Variants in ENOX1 observed in about 807,000 individuals in gnomAD.
The protein encoded by ENOX1 is ecto-NOX disulfide-thiol exchanger 1.
A neutral mutation model predicts 82.5 loss-of-function variants in ENOX1; 42 were observed. The ratio of observed to expected loss-of-function variants is 0.51; its 90% CI spans 0.40 to 0.66. ENOX1 has a LOEUF of 0.66. ENOX1 is among the 30% of genes least tolerant of loss of function. The pLI, the probability that ENOX1 is intolerant of heterozygous loss-of-function variation, is 0.00. For missense variants in ENOX1, 608 were observed against 811.6 expected (o/e 0.75, Z 3.05); for synonymous variants, 271 against 282.2 (o/e 0.96, Z 0.40).
chr13:43,241,536 T>G (rs1319730300), intron 14 of ENOX1, among the ~76,000 whole-genome samples: 1 of 152,072 alleles, frequency 6.6e-6, no homozygotes, highest in Admixed American at 6.5e-5. Flanking sequence ...TATGAAGTAG[T>G]CTCCCAAAGG....
chr13:43,334,322 T>C (rs1195013840), intron 9 of ENOX1, among the ~76,000 whole-genome samples: 1 of 152,212 alleles, frequency 6.6e-6, no homozygotes, highest in Non-Finnish European at 1.5e-5. Flanking sequence ...CAATGGAAAT[T>C]ACATCTGTCC....
intron 11 of ENOX1, among the ~76,000 whole-genome samples, chr13:43,301,574 T>A (rs866530632): frequency 6.9e-6 from 1 of 145,428 alleles, no homozygotes; most frequent in African/African-American, 2.6e-5. Context: ...CAGCTGTAAT[T>A]CCCCCACCAA....
rs535718308 is a variant in ENOX1 at position 43,673,201 on chromosome 13, G to A, written c.-284-5657C>T. On this transcript the variant is annotated intron_variant, in intron 1 of 16. Transcript: ENST00000690772. ...TATATATATATATATATACATGTTC[G>A]ATTCTCATATGATTTCCAAATTAGA... is the stretch of plus-strand genomic sequence containing the variant. Among the ~76,000 whole-genome samples the A allele has an allele frequency of 1.6e-4, 24 of 148,792 alleles. 1 individual carries two copies. In the South Asian group the frequency reaches 4.5e-3, roughly 28 times the overall value.
At chr13:43,428,221 T>C (rs1234697072) in intron 3 of ENOX1, among the ~76,000 whole-genome samples, 1 of 152,192 alleles carries the variant, frequency 6.6e-6, no homozygotes, top group Non-Finnish European at 1.5e-5. Context: ...GAGGCACATT[T>C]TTCTTAAATA....
In ENOX1 at chr13:43,660,912, C is replaced by T. The variant is rs944128602; in HGVS notation, c.-219+6567G>A. Among the ~76,000 whole-genome samples the T allele has an allele frequency of 2.6e-5, 4 of 152,298 alleles. No individual in the cohort carries two copies. The East Asian group carries it at 7.7e-4, about 29-fold the overall frequency. On this transcript the variant is annotated intron_variant, in intron 2 of 16. Coordinates refer to ENST00000690772, the MANE Select transcript of ENOX1 (RefSeq NM_001347969.2). The stretch of plus-strand genomic sequence containing the variant: ...TGGCATAAGGGAAAAAAAAGCTCTT[C>T]TGCTTACAACACAGCTGTTTTAAGG...
intron 2 of ENOX1, among the ~76,000 whole-genome samples, chr13:43,577,392 A>G (rs1159957750): frequency 6.6e-6 from 1 of 152,140 alleles, no homozygotes; most frequent in East Asian, 1.9e-4. Context: ...TTAGCCTCCC[A>G]AAGTGCTAGG....
intron 2 of ENOX1, among the ~76,000 whole-genome samples, chr13:43,558,930 T>C (rs2079553850): frequency 6.6e-6 from 1 of 152,196 alleles, no homozygotes; most frequent in African/African-American, 2.4e-5. Context: ...CTTCATCCTG[T>C]TAATGAGGAC....
Position 43,409,965 on chromosome 13 carries a change from T to C in ENOX1, c.208+1951A>G, listed in dbSNP as rs539112993. 2.0e-5 allele frequency among the ~76,000 whole-genome samples: 3 copies of C among 152,258 alleles called. No homozygotes were observed. The South Asian group carries it at 6.2e-4, about 32-fold the overall frequency. On this transcript the variant is annotated intron_variant, in intron 5 of 16. Transcript: ENST00000690772. ...GATGAAGGGAAGCCCAGAAAGACCC[T>C]GAAAGGCTCAAAAACAGTTTAAGCA...
At chr13:43,664,499 G>A (rs2084882692) in intron 2 of ENOX1, among the ~76,000 whole-genome samples, 1 of 152,224 alleles carries the variant, frequency 6.6e-6, no homozygotes, top group South Asian at 2.1e-4. Flanking sequence ...TTTTGGGACA[G>A]CTGAATTACT....
intron 9 of ENOX1, among the ~76,000 whole-genome samples, chr13:43,332,343 G>A (rs956376596): frequency 5.3e-5 from 8 of 152,218 alleles, no homozygotes; most frequent in Middle Eastern, 3.4e-3. Flanking sequence ...TAGGGTTCAC[G>A]CTCCTGTAAG....
At chr13:43,401,716 G>A (rs544753549) in intron 5 of ENOX1, among the ~76,000 whole-genome samples, 2 of 152,136 alleles carry the variant, frequency 1.3e-5, no homozygotes, top group African/African-American at 2.4e-5. Context: ...TCAAGTTCTC[G>A]AGATCCAGAG....
At chr13:43,294,366 G>A (rs2046175841) in intron 12 of ENOX1, among the ~76,000 whole-genome samples, 1 of 152,116 alleles carries the variant, frequency 6.6e-6, no homozygotes, top group African/African-American at 2.4e-5. Flanking sequence ...ATGACATGTT[G>A]ACCTATCCTC....
intron 2 of ENOX1, among the ~76,000 whole-genome samples, chr13:43,582,764 C>T (rs559943716): frequency 3.9e-5 from 6 of 152,134 alleles, no homozygotes; most frequent in South Asian, 4.2e-4. Flanking sequence ...TTGGAAGAGA[C>T]GGGGTCTTGC....
chr13:43,272,609 G>A (rs990375949), intron 12 of ENOX1, among the ~76,000 whole-genome samples: 4 of 152,066 alleles, frequency 2.6e-5, no homozygotes, highest in Non-Finnish European at 4.4e-5. Context: ...CTAGCTATAG[G>A]GGTTTATTTA....
At chr13:43,654,028 A>G (rs1311372704) in intron 2 of ENOX1, among the ~76,000 whole-genome samples, 2 of 152,178 alleles carry the variant, frequency 1.3e-5, no homozygotes, top group Non-Finnish European at 2.9e-5. Flanking sequence ...AAATCATCTG[A>G]GTCAACCTGG....
At chr13:43,347,826 C>G (rs2049489887) in intron 8 of ENOX1, among the ~76,000 whole-genome samples, 1 of 152,148 alleles carries the variant, frequency 6.6e-6, no homozygotes, top group Non-Finnish European at 1.5e-5. Flanking sequence ...GAACTGGATG[C>G]AGTTTAGAAG....
chr13:43,583,088 A>G (rs185238972), intron 2 of ENOX1, among the ~76,000 whole-genome samples: 2 of 152,234 alleles, frequency 1.3e-5, no homozygotes, highest in Non-Finnish European at 2.9e-5. Flanking sequence ...AAAAATTCCA[A>G]TGCCATTTAA....
chr13:43,527,024 C>T (rs2078017353), intron 2 of ENOX1, among the ~76,000 whole-genome samples: 1 of 152,090 alleles, frequency 6.6e-6, no homozygotes, highest in Non-Finnish European at 1.5e-5. Context: ...GCCCTACAGA[C>T]ATCAAACTTG....
chr13:43,284,358 A>G (rs1224586877), intron 12 of ENOX1, among the ~76,000 whole-genome samples: 1 of 151,650 alleles, frequency 6.6e-6, no homozygotes, highest in East Asian at 1.9e-4. Context: ...AAATGACTGA[A>G]AAATGTGTAA....
Sources: allele counts gnomAD v4.1 joint callset (sites outside exome capture counted in the v4.1 genomes callset), GRCh38; gene constraint gnomAD v4.1.1; transcripts MANE v1.5; gene names NCBI Gene and HGNC (gene_info 2026-07-23, HGNC 2026-07-21).